The following CMSS1 variants were observed in gnomAD, a reference collection of about 807,000 sequenced individuals.
The protein encoded by CMSS1 is cms1 ribosomal small subunit homolog, also known as protein CMSS1.
CMSS1 carries 33 observed loss-of-function variants against 43.5 expected under a neutral mutation model. The observed-to-expected ratio is 0.76, with a 90% CI of 0.57 to 1.01. The LOEUF (loss-of-function observed/expected upper bound fraction) is 1.01. Among genes scored for constraint, CMSS1 ranks in the 50% least tolerant of loss-of-function variants. The pLI is 0.00. For synonymous variants in CMSS1, 115 were observed against 117.2 expected, an observed-to-expected ratio of 0.98 and a Z score of 0.12; for missense variants, 313 against 326.4, an observed-to-expected ratio of 0.96 and a Z score of 0.32.
intron 1 of CMSS1, among the ~76,000 whole-genome samples, chr3:100,085,030 A>G (rs941453542): frequency 1.3e-5 from 2 of 152,202 alleles, no homozygotes; most frequent in Non-Finnish European, 2.9e-5. Flanking sequence ...GCACTTTTAA[A>G]TATGTATGTA....
chr3:99,827,687 C>T (rs1222150461), intron 1 of CMSS1, among the ~76,000 whole-genome samples: 3 of 152,146 alleles, frequency 2.0e-5, no homozygotes, highest in Non-Finnish European at 4.4e-5. Flanking sequence ...TCACTGCAAC[C>T]TCCGCCTCCC....
intron 1 of CMSS1, among the ~76,000 whole-genome samples, chr3:100,082,507 G>T (rs1402935090): frequency 1.3e-5 from 2 of 152,130 alleles, no homozygotes; most frequent in African/African-American, 2.4e-5. Context: ...TCGTTTCCAG[G>T]AATCTCTTGG....
Position 100,178,374 on chromosome 3 carries a change from C to A in CMSS1, c.826C>A (p.Leu276Met), listed in dbSNP as rs373998301. The A allele has an allele frequency of 3.0e-5, 48 of 1,610,996 alleles. No homozygotes were observed. Among genetic ancestry groups the A allele is most frequent in the Non-Finnish European group, 3.7e-5 (44 of 1,177,464 alleles). ...TCTGTGCAAGTCAGAATCCTTGAAA[C>A]TGGGCCTTTTCTAAGTCTGTGTCCT... ...LSLCKSESLK[L>M]GLF is the part of the protein sequence containing the mutation. Residue 276 changes from leucine to methionine, a missense_variant, in exon 10 of 10, where the codon CTG becomes ATG. Coordinates refer to ENST00000421999, the MANE Select transcript of CMSS1 (RefSeq NM_032359.4).
At chr3:100,040,128 A>G (rs1308354751) in intron 1 of CMSS1, 1 of 152,088 alleles carries the variant, frequency 6.6e-6, no homozygotes, top group East Asian at 1.9e-4. Context: ...AGCTGTCTGA[A>G]TATTTTTTTT....
intron 1 of CMSS1, among the ~76,000 whole-genome samples, chr3:99,995,734 C>T (rs1399488019): frequency 1.3e-5 from 2 of 152,236 alleles, no homozygotes; most frequent in Non-Finnish European, 1.5e-5. Flanking sequence ...AGGTTCAACA[C>T]CACGTGGAAG....
intron 1 of CMSS1, among the ~76,000 whole-genome samples, chr3:100,017,052 A>G (rs1710365379): frequency 6.6e-6 from 1 of 152,212 alleles, no homozygotes; most frequent in African/African-American, 2.4e-5. Flanking sequence ...AGTTTCTCAC[A>G]TGTGTGTATA....
intron 1 of CMSS1, among the ~76,000 whole-genome samples, chr3:100,099,817 A>G (rs1467069441): frequency 6.6e-6 from 1 of 152,152 alleles, no homozygotes; most frequent in East Asian, 1.9e-4. Context: ...TGAACCACTT[A>G]AGTATGGTAA....
intron 1 of CMSS1, among the ~76,000 whole-genome samples, chr3:99,859,875 T>C (rs1315142881): frequency 1.3e-5 from 2 of 152,222 alleles, no homozygotes; most frequent in African/African-American, 2.4e-5. Flanking sequence ...CTCATAAAAA[T>C]AGCTGTGACC....
At chr3:99,889,647 G>C (rs920378062) in intron 1 of CMSS1, among the ~76,000 whole-genome samples, 6 of 151,204 alleles carry the variant, frequency 4.0e-5, no homozygotes, top group African/African-American at 1.5e-4. Context: ...CTCATTTCTT[G>C]GCTTCTTCTG....
chr3:99,917,557 A>T (rs1168335797), intron 1 of CMSS1, among the ~76,000 whole-genome samples: 3 of 152,200 alleles, frequency 2.0e-5, no homozygotes, highest in African/African-American at 7.2e-5. Flanking sequence ...TCAAAAAATC[A>T]AAGCATTGGT....
At chr3:99,998,434 C>T (rs895495196) in intron 1 of CMSS1, among the ~76,000 whole-genome samples, 4 of 152,178 alleles carry the variant, frequency 2.6e-5, no homozygotes, top group Admixed American at 1.3e-4. Context: ...ACTATATATA[C>T]GTACTCAAAG....
At position 100,178,466 on chromosome 3, in the gene CMSS1, C is replaced by A; in HGVS notation, c.*78C>A. The A allele has an allele frequency of 1.2e-6, 1 of 843,020 alleles. No individual in the cohort carries two copies. The highest frequency in any genetic ancestry group is 1.5e-5 in the South Asian group (1 of 66,130). 52.2% of individuals were successfully genotyped at this position (843,020 alleles called of 1,614,324 possible). A position where few individuals can be genotyped will look rare whatever the true frequency, so the allele number is the denominator to read the frequency against. On this transcript the variant is annotated 3_prime_UTR_variant, in exon 10 of 10. Transcript: ENST00000421999. The stretch of plus-strand genomic sequence containing the variant: ...TAATGACTCTGATACATTGCAAGCA[C>A]TCAGTAAATATCAGCAAATAGTTTA...
rs889864300 is a variant in CMSS1, at chr3:99,886,428, GA to G, written c.64+68395del. Among the ~76,000 whole-genome samples, 703 of 149,662 alleles carry G rather than the reference GA, an allele frequency of 4.7e-3. 7 individuals carry two copies. The highest frequency in any genetic ancestry group is 0.017 in the African/African-American group (676 of 40,782). On this transcript the variant is annotated intron_variant, in intron 1 of 9. Transcript: ENST00000421999. ...TACCTGATGAGAAAAAAAAAAATCG[GA>G]AAAAAAAAATCTCATGTTTTAAGAA... is the stretch of plus-strand genomic sequence containing the variant.
At chr3:100,074,222 C>T (rs995425447) in intron 1 of CMSS1, among the ~76,000 whole-genome samples, 2 of 152,186 alleles carry the variant, frequency 1.3e-5, no homozygotes, top group African/African-American at 4.8e-5. Context: ...ATCTGACAGC[C>T]CCCCTGGGCC....
chr3:99,976,310 C>A (rs1247959229), intron 1 of CMSS1, among the ~76,000 whole-genome samples: 3 of 152,102 alleles, frequency 2.0e-5, no homozygotes, highest in African/African-American at 7.2e-5. Context: ...TGCTTATAAC[C>A]AAATAATTAT....
rs2067174485 is a variant in CMSS1, at chr3:100,179,901, G to A, written c.*1513G>A. ...AGCAGACTTCTGCCTGGACATCCAG[G>A]CGTTTCCATACATCCTCTGAAATTG... is the stretch of plus-strand genomic sequence containing the variant. On this transcript the variant is annotated 3_prime_UTR_variant, in exon 10 of 10. Transcript: ENST00000421999. 6.6e-6 allele frequency: 1 copy of A among 152,348 alleles called. No homozygotes were observed. Among genetic ancestry groups the A allele is most frequent in the South Asian group, 2.1e-4 (1 of 4,836 alleles). 9.4% of individuals were successfully genotyped at this position (152,348 alleles called of 1,614,324 possible). A position where few individuals can be genotyped will look rare whatever the true frequency, so the allele number is the denominator to read the frequency against.
rs904756526 is a variant in CMSS1 at position 100,178,610 on chromosome 3, T to C, written c.*222T>C. 3 of 424,692 alleles carry C rather than the reference T, an allele frequency of 7.1e-6. No individual in the cohort carries two copies. The highest frequency in any genetic ancestry group is 4.0e-5 in the African/African-American group (2 of 50,032). The allele number at this position is 424,692 out of a possible 1,614,324, so 26.3% of individuals were successfully genotyped here. On this transcript the variant is annotated 3_prime_UTR_variant, in exon 10 of 10. Coordinates refer to ENST00000421999, the MANE Select transcript of CMSS1 (RefSeq NM_032359.4). The stretch of plus-strand genomic sequence containing the variant: ...ATCACCGGCTTGTGTATGATCCTTG[T>C]TGAGCGGACCGTGTTTTTCTGTCAC...
chr3:99,891,061 GT>G (rs369861338), intron 1 of CMSS1, among the ~76,000 whole-genome samples: 1,754 of 142,008 alleles, frequency 0.012, 19 homozygotes, highest in African/African-American at 0.028. Flanking sequence ...TTTTGTTTTT[GT>G]TTTTTTTTCA....
intron 1 of CMSS1, among the ~76,000 whole-genome samples, chr3:100,079,497 T>C (rs2065899395): frequency 6.6e-6 from 1 of 152,248 alleles, no homozygotes; most frequent in African/African-American, 2.4e-5. Flanking sequence ...GTTTACTTCA[T>C]AGTTCATGAA....
Sources: allele counts gnomAD v4.1 joint callset (sites outside exome capture counted in the v4.1 genomes callset), GRCh38; gene constraint gnomAD v4.1.1; transcripts MANE v1.5; gene names NCBI Gene and HGNC (gene_info 2026-07-23, HGNC 2026-07-21).